Variants in SMOX observed in about 807,000 individuals in gnomAD.
SMOX encodes the protein flavin containing amine oxidase.
In SMOX, 22 loss-of-function variants were observed where a neutral mutation model predicts 51.0. The observed-to-expected ratio is 0.43, with a 90% confidence interval of 0.31 to 0.62. SMOX has a LOEUF of 0.62. Among genes scored for constraint, SMOX ranks in the 20% least tolerant of loss-of-function variants. SMOX has a pLI of 0.10. For missense variants in SMOX, 566 were observed against 777.7 expected (o/e 0.73, Z 3.24); for synonymous variants, 282 against 307.8 (o/e 0.92, Z 0.88).
chr20:4,182,172 TCAC>T lies in SMOX; in HGVS notation c.697_699del (p.His233del). 1 of 1,613,376 alleles carries T rather than the reference TCAC, an allele frequency of 6.2e-7. No homozygotes were observed. Among genetic ancestry groups the T allele is most frequent in the Non-Finnish European group, 8.5e-7 (1 of 1,179,968 alleles). On this transcript the variant is annotated inframe_deletion, in exon 5 of 7. Coordinates refer to ENST00000305958, the MANE Select transcript of SMOX (RefSeq NM_175839.3). The surrounding 1 kb of genome is among the most constrained non-coding windows in gnomAD (Gnocchi z 8.4). ...GGGAGTGGACCGAGATCCCCGGCGC[TCAC>T]CACATCATCCCCTCGGGCTTCATGC... is the stretch of plus-strand genomic sequence containing the variant.
At chr20:4,163,814 T>G (rs1986441079) in intron 1 of SMOX, among the ~76,000 whole-genome samples, 1 of 152,182 alleles carries the variant, frequency 6.6e-6, no homozygotes. Flanking sequence ...CCCCACATGG[T>G]GACTGGCTTC....
intron 1 of SMOX, among the ~76,000 whole-genome samples, chr20:4,164,645 G>T (rs559386430): frequency 6.6e-6 from 1 of 152,212 alleles, no homozygotes; most frequent in Admixed American, 6.5e-5. Context: ...TGTAAGAGAA[G>T]TGTCTCTTCC....
chr20:4,183,444 G>A lies in SMOX; in HGVS notation c.1370-50G>A, dbSNP rs201944412. On this transcript the variant is annotated intron_variant, in intron 5 of 6. Coordinates refer to ENST00000305958, the MANE Select transcript of SMOX (RefSeq NM_175839.3). The surrounding 1 kb of genome is among the most constrained non-coding windows in gnomAD (Gnocchi z 4.3). ...GTCCCTTTGGGGTCATCTTCCATATGCAGCCATTTCTTATCCTCCCTCCTC... is the reference window on the plus strand; with the variant it reads ...GTCCCTTTGGGGTCATCTTCCATATACAGCCATTTCTTATCCTCCCTCCTC... 6.2e-7 allele frequency: 1 copy of A among 1,613,528 alleles called. No individual in the cohort carries two copies. The highest frequency in any genetic ancestry group is 1.7e-5 in the Admixed American group (1 of 60,008).
Position 4,175,120 on chromosome 20 carries a change from G to A in SMOX, c.65G>A (p.Arg22Lys), listed in dbSNP as rs1978735014. The change falls in exon 2 of 7, where the codon AGG becomes AAG. Residue 22 changes from arginine (R) to lysine (K), a missense_variant. This residue lies in a region of SMOX where 217 missense variants were observed against 278.4 expected (regional missense o/e 0.78). Coordinates refer to ENST00000305958, the MANE Select transcript of SMOX (RefSeq NM_175839.3). ...DDPLSRGLRR[R>K]GQPRVVVIGA... ...CCTCTCAGTCGCGGCCTACGGAGAA[G>A]GGGACAGCCTCGTGTGGTGGTGATC... 5 of 1,614,142 alleles carry A rather than the reference G, an allele frequency of 3.1e-6. No individual in the cohort carries two copies. Among genetic ancestry groups the A allele is most frequent in the Non-Finnish European group, 4.2e-6 (5 of 1,180,060 alleles).
chr20:4,155,589 G>T (rs1184950503), intron 1 of SMOX, among the ~76,000 whole-genome samples: 1 of 152,142 alleles, frequency 6.6e-6, no homozygotes, highest in Non-Finnish European at 1.5e-5. Context: ...CAGAGAGTCA[G>T]CTTAACACAT....
rs1355542232 is a variant in SMOX at position 4,167,122 on chromosome 20, TG to T, written c.-26-7904del. Among the ~76,000 whole-genome samples, 1 of 152,034 alleles carries T rather than the reference TG, an allele frequency of 6.6e-6. No individual in the cohort carries two copies. The highest frequency in any genetic ancestry group is 6.6e-5 in the Admixed American group (1 of 15,262). ...CTCTGATGCCCCTTCCCCTCAACAA[TG>T]GGGAGGATGGTCAGGCTGAGTCAGG... On this transcript the variant is annotated intron_variant, in intron 1 of 6. Transcript: ENST00000305958. The surrounding 1 kb of genome is among the most constrained non-coding windows in gnomAD (Gnocchi z 4.8).
intron 1 of SMOX, among the ~76,000 whole-genome samples, chr20:4,155,177 G>A (rs557824877): frequency 2.6e-5 from 4 of 152,262 alleles, no homozygotes; most frequent in East Asian, 3.9e-4. Context: ...GGGCGGGGCC[G>A]AGAGATTGGG....
intron 1 of SMOX, among the ~76,000 whole-genome samples, chr20:4,150,349 G>A (rs933722699): frequency 4.6e-5 from 7 of 152,156 alleles, no homozygotes; most frequent in African/African-American, 1.7e-4. Flanking sequence ...AAGCTCTCCA[G>A]TGAGCTCCAC....
At chr20:4,179,278 C>T (rs774796206) in intron 3 of SMOX, among the ~76,000 whole-genome samples, 1 of 152,138 alleles carries the variant, frequency 6.6e-6, no homozygotes, top group Non-Finnish European at 1.5e-5. Flanking sequence ...ACTTTCGGGG[C>T]CCGTGGTTTG....
rs1230173024 is a variant in SMOX at position 4,172,765 on chromosome 20, G to C, written c.-26-2265G>C. Among the ~76,000 whole-genome samples the C allele has an allele frequency of 1.3e-5, 2 of 148,262 alleles. No individual in the cohort carries two copies. Among genetic ancestry groups the C allele is most frequent in the Non-Finnish European group, 3.0e-5 (2 of 67,038 alleles). ...ACGGAGTTGGCGGGCCTGGGTCTCA[G>C]GGGGACTTGGAGGGATTTTAGGGGC... On this transcript the variant is annotated intron_variant, in intron 1 of 6. Coordinates refer to ENST00000305958, the MANE Select transcript of SMOX (RefSeq NM_175839.3). The surrounding 1 kb of genome is among the most constrained non-coding windows in gnomAD (Gnocchi z 7.7).
In SMOX at chr20:4,182,027, C is replaced by T. The variant is rs750132722; in HGVS notation, c.609+51C>T. The T allele has an allele frequency of 4.1e-5, 66 of 1,600,892 alleles. No individual in the cohort carries two copies. Among genetic ancestry groups the T allele is most frequent in the East Asian group, 1.3e-4 (6 of 44,684 alleles). ...GGGCGTCTGGGTCTGAGGAGGGCTA[C>T]GCTGCTCCTACCCCTGCCCAACCCC... On this transcript the variant is annotated intron_variant, in intron 4 of 6. Transcript: ENST00000305958. This position sits in a 1 kb window ranked among gnomAD's most constrained non-coding sequence, Gnocchi z 8.4.
Position 4,183,767 on chromosome 20 carries a change from C to A in SMOX, c.1530+113C>A. On this transcript the variant is annotated intron_variant, in intron 6 of 6. Coordinates refer to ENST00000305958, the MANE Select transcript of SMOX (RefSeq NM_175839.3). This position sits in a 1 kb window ranked among gnomAD's most constrained non-coding sequence, Gnocchi z 4.3. ...TTCACTAAGGGGTGCTCAGGTGAGG[C>A]AGGGATGGAGTAGCTTCTGTAATGA... 1 of 1,255,066 alleles carries A rather than the reference C, an allele frequency of 8.0e-7. No homozygotes were observed. The highest frequency in any genetic ancestry group is 1.1e-6 in the Non-Finnish European group (1 of 952,072). 77.7% of individuals were successfully genotyped at this position (1,255,066 alleles called of 1,614,324 possible). A position where few individuals can be genotyped will look rare whatever the true frequency, so the allele number is the denominator to read the frequency against.
At chr20:4,178,688 CTTTTT>C (rs141586329) in intron 3 of SMOX, among the ~76,000 whole-genome samples, 2 of 64,072 alleles carry the variant, frequency 3.1e-5, no homozygotes, top group African/African-American at 1.2e-4. Flanking sequence ...TTCTTTCTTT[CTTTTT>C]TTTTTTTGAG....
At chr20:4,158,442 G>C (rs977992419) in intron 1 of SMOX, among the ~76,000 whole-genome samples, 1 of 152,158 alleles carries the variant, frequency 6.6e-6, no homozygotes, top group Non-Finnish European at 1.5e-5. Flanking sequence ...GATTCAGGTG[G>C]AGCATGGTGG....
chr20:4,159,215 G>A (rs1257141978), intron 1 of SMOX, among the ~76,000 whole-genome samples: 1 of 152,036 alleles, frequency 6.6e-6, no homozygotes, highest in Non-Finnish European at 1.5e-5. Context: ...GGGTTCAAGC[G>A]ATTCTCCTGC....
intron 1 of SMOX, among the ~76,000 whole-genome samples, chr20:4,161,568 T>G (rs1021163380): frequency 2.0e-5 from 3 of 152,214 alleles, no homozygotes; most frequent in Non-Finnish European, 4.4e-5. Context: ...GTCATGCTGA[T>G]GTGGCCCTTG....
chr20:4,183,449 C>CT lies in SMOX; in HGVS notation c.1370-45_1370-44insT. The CT allele has an allele frequency of 6.2e-7, 1 of 1,613,838 alleles. No individual in the cohort carries two copies. The highest frequency in any genetic ancestry group is 1.1e-5 in the South Asian group (1 of 91,056). ...TTTGGGGTCATCTTCCATATGCAGC[C>CT]ATTTCTTATCCTCCCTCCTCTTGGC... is the stretch of plus-strand genomic sequence containing the variant. On this transcript the variant is annotated intron_variant, in intron 5 of 6. Transcript: ENST00000305958. The surrounding 1 kb of genome is among the most constrained non-coding windows in gnomAD (Gnocchi z 4.3).
rs1161312789 is a variant in SMOX at position 4,183,503 on chromosome 20, A to G, written c.1379A>G (p.Asn460Ser). Residue 460 changes from asparagine to serine, a missense_variant, in exon 6 of 7, where the codon AAC (asparagine) becomes AGC (serine). By Grantham distance (46) the Asn-to-Ser change is conservative. Around this residue, in one of 3 missense-constraint regions of SMOX, gnomAD observed 347 missense variants for 481.8 expected, o/e 0.72. Transcript: ENST00000305958. The surrounding 1 kb of genome is among the most constrained non-coding windows in gnomAD (Gnocchi z 4.3). ...EMLRQFTGNP[N>S]IPKPRRILRS... ...TCTGACTCTCCATCAGGGAACCCCA[A>G]CATTCCAAAACCTCGGCGAATCTTG... The G allele has an allele frequency of 4.3e-6, 7 of 1,614,166 alleles. No individual in the cohort carries two copies. The highest frequency in any genetic ancestry group is 5.9e-6 in the Non-Finnish European group (7 of 1,180,034).
chr20:4,160,296 G>A (rs1242284032), intron 1 of SMOX, among the ~76,000 whole-genome samples: 1 of 152,248 alleles, frequency 6.6e-6, no homozygotes, highest in African/African-American at 2.4e-5. Context: ...CCAGCCCCAA[G>A]TGCCTGGCAC....
Sources: gnomAD v4.1 joint callset for allele counts (sites outside exome capture counted in the v4.1 genomes callset) on GRCh38, gnomAD v4.1.1 for gene constraint, gnomAD v4.1.1 regional missense constraint, Gnocchi (gnomAD v3.1) non-coding constraint, MANE v1.5 for transcripts, NCBI Gene and HGNC (gene_info 2026-07-23, HGNC 2026-07-21) for gene names.